Variants in BMPR1A observed in about 807,000 individuals in gnomAD.
The protein encoded by BMPR1A is bone morphogenetic protein receptor type-1A.
BMPR1A carries 7 observed loss-of-function variants against 66.0 expected under a neutral mutation model. The observed-to-expected ratio is 0.11, with a 90% CI of 0.06 to 0.20. The LOEUF is 0.20. BMPR1A is among the 10% of genes least tolerant of loss of function. The pLI is 1.00. For missense variants in BMPR1A, 408 were observed against 669.1 expected (o/e 0.61, Z 4.31); for synonymous variants, 200 against 229.7 (o/e 0.87, Z 1.17).
intron 1 of BMPR1A, among the ~76,000 whole-genome samples, chr10:86,765,695 A>G (rs1841151038): frequency 1.3e-5 from 2 of 152,282 alleles, no homozygotes; most frequent in South Asian, 2.1e-4. Context: ...ACGTATTACC[A>G]TAGAACTGTG....
In BMPR1A at chr10:86,847,682, G is replaced by A. The variant is rs540873895; in HGVS notation, c.-153+8703G>A. Reference sequence around the variant, plus strand: ...TCTCTATTTAAAAATACACACACACGTGTGTATGTGTGTGTATAAAGATTA... The same window carrying A: ...TCTCTATTTAAAAATACACACACACATGTGTATGTGTGTGTATAAAGATTA... On this transcript the variant is annotated intron_variant, in intron 2 of 12. Transcript: ENST00000372037. Among the ~76,000 whole-genome samples, 4 of 151,800 alleles carry A rather than the reference G, an allele frequency of 2.6e-5. No individual in the cohort carries two copies. The South Asian group carries it at 8.3e-4, about 32-fold the overall frequency.
At chr10:86,887,656 T>C (rs1160768665) in intron 3 of BMPR1A, among the ~76,000 whole-genome samples, 5 of 152,206 alleles carry the variant, frequency 3.3e-5, no homozygotes, top group African/African-American at 1.2e-4. Context: ...TCAAGTGATA[T>C]TTCTGCCACA....
At chr10:86,760,538 T>C (rs543684349) in intron 1 of BMPR1A, among the ~76,000 whole-genome samples, 3 of 152,198 alleles carry the variant, frequency 2.0e-5, no homozygotes, top group East Asian at 3.9e-4. Context: ...GGCTGGCCTT[T>C]ATAGCAGTTT....
intron 8 of BMPR1A, among the ~76,000 whole-genome samples, chr10:86,913,173 G>A (rs908096333): frequency 6.6e-6 from 1 of 151,990 alleles, no homozygotes; most frequent in Non-Finnish European, 1.5e-5. Flanking sequence ...CACCCAGGCT[G>A]GAGTGCAGTG....
intron 3 of BMPR1A, among the ~76,000 whole-genome samples, chr10:86,877,850 G>A (rs142680765): frequency 1.4e-4 from 22 of 152,182 alleles, no homozygotes; most frequent in African/African-American, 4.3e-4. Context: ...TAGATCACAC[G>A]TAGGCAATAT....
At chr10:86,772,419 C>A (rs111678403) in intron 1 of BMPR1A, among the ~76,000 whole-genome samples, 1 of 151,984 alleles carries the variant, frequency 6.6e-6, no homozygotes, top group Non-Finnish European at 1.5e-5. Context: ...CGTGAGCCAC[C>A]GCGCCCGGCC....
At chr10:86,818,218 C>T (rs1842064490) in intron 1 of BMPR1A, among the ~76,000 whole-genome samples, 1 of 152,128 alleles carries the variant, frequency 6.6e-6, no homozygotes, top group Non-Finnish European at 1.5e-5. Context: ...AGGGTTTCCC[C>T]ATGTTGGCCA....
In BMPR1A at chr10:86,756,937, G is replaced by C. The variant is rs1207621360; in HGVS notation, c.-268+18G>C. 6.6e-6 allele frequency: 1 copy of C among 151,954 alleles called. No individual in the cohort carries two copies. Among genetic ancestry groups the C allele is most frequent in the Non-Finnish European group, 1.5e-5 (1 of 68,134 alleles). The allele number at this position is 151,954 out of a possible 1,614,324, so 9.4% of individuals were successfully genotyped here. ...GGGTCCGGGTGAGTTGGGAGTGCGCGTGCGGACCGGAGGGGCTGGCCGCAG... is the reference window on the plus strand; with the variant it reads ...GGGTCCGGGTGAGTTGGGAGTGCGCCTGCGGACCGGAGGGGCTGGCCGCAG... On this transcript the variant is annotated intron_variant, in intron 1 of 12. Transcript: ENST00000372037.
chr10:86,758,367 A>ATTTTTTT (rs200528013), intron 1 of BMPR1A, among the ~76,000 whole-genome samples: 1 of 141,012 alleles, frequency 7.1e-6, no homozygotes, highest in Non-Finnish European at 1.5e-5. Context: ...AAGAGGGAGA[A>ATTTTTTT]TTTTTTTTTT....
At chr10:86,801,280 C>T (rs368137623) in intron 1 of BMPR1A, among the ~76,000 whole-genome samples, 2 of 152,010 alleles carry the variant, frequency 1.3e-5, no homozygotes, top group East Asian at 2.0e-4. Context: ...TAGTTGGTGG[C>T]GTGCGCCACC....
Position 86,919,844 on chromosome 10 carries a change from A to G in BMPR1A, c.1166+375A>G, listed in dbSNP as rs140046350. 4.8e-3 allele frequency among the ~76,000 whole-genome samples: 728 copies of G among 152,138 alleles called. 9 individuals carry two copies. The highest frequency in any genetic ancestry group is 0.016 in the African/African-American group (681 of 41,498). On this transcript the variant is annotated intron_variant, in intron 10 of 12. Transcript: ENST00000372037. ...CACCTCAGCCTCCTGAGTAGCTGGG[A>G]CTACAGGCATGCACTGCCACACCTA...
intron 2 of BMPR1A, among the ~76,000 whole-genome samples, chr10:86,842,783 G>A (rs1842442210): frequency 1.3e-5 from 2 of 152,284 alleles, no homozygotes; most frequent in East Asian, 3.9e-4. Flanking sequence ...CACATCTTAG[G>A]TGGCAGCAGG....
At chr10:86,807,898 C>A (rs1841913820) in intron 1 of BMPR1A, among the ~76,000 whole-genome samples, 1 of 152,180 alleles carries the variant, frequency 6.6e-6, no homozygotes, top group Non-Finnish European at 1.5e-5. Context: ...TCCCTACAAG[C>A]TGGGATTACA....
chr10:86,845,666 T>A (rs1842473780), intron 2 of BMPR1A, among the ~76,000 whole-genome samples: 2 of 152,168 alleles, frequency 1.3e-5, no homozygotes, highest in South Asian at 4.1e-4. Flanking sequence ...ATCTACTCTG[T>A]CACTGACCCT....
intron 1 of BMPR1A, among the ~76,000 whole-genome samples, chr10:86,822,558 T>C (rs1304266786): frequency 1.3e-5 from 2 of 152,200 alleles, no homozygotes; most frequent in African/African-American, 4.8e-5. Context: ...AAATCTACCA[T>C]GTATTAACTG....
At chr10:86,802,451 C>CATACAAATGCTTGAATGACT (rs1841825465) in intron 1 of BMPR1A, among the ~76,000 whole-genome samples, 1 of 152,126 alleles carries the variant, frequency 6.6e-6, no homozygotes, top group Non-Finnish European at 1.5e-5. Flanking sequence ...CTATACTGCA[C>CATACAAATGCTTGAATGACT]ATACAAATGC....
At position 86,806,147 on chromosome 10, in the gene BMPR1A, A is replaced by C. The variant is rs117492444; in HGVS notation, c.-267-32718A>C. Among the ~76,000 whole-genome samples the C allele has an allele frequency of 3.0e-3, 460 of 152,284 alleles. 2 individuals carry two copies. The highest frequency in any genetic ancestry group is 5.4e-3 in the Non-Finnish European group (370 of 68,024). On this transcript the variant is annotated intron_variant, in intron 1 of 12. Transcript: ENST00000372037. ...GTGATGCATCTCTGGCCAGAAGTCT[A>C]CATAAATGACGACGTGTCCTTCTAG...
At chr10:86,773,360 G>C (rs1841295048) in intron 1 of BMPR1A, among the ~76,000 whole-genome samples, 1 of 151,868 alleles carries the variant, frequency 6.6e-6, no homozygotes, top group Admixed American at 6.6e-5. Flanking sequence ...AGGCTGAGGC[G>C]GGTGGATCAC....
intron 1 of BMPR1A, among the ~76,000 whole-genome samples, chr10:86,766,000 T>TG (rs1841155947): frequency 6.6e-6 from 1 of 151,090 alleles, no homozygotes; most frequent in South Asian, 2.1e-4. Context: ...TTTTTTTTTT[T>TG]TTTGAGGGAA....
Sources: gnomAD v4.1 joint callset for allele counts (sites outside exome capture counted in the v4.1 genomes callset) on GRCh38, gnomAD v4.1.1 for gene constraint, MANE v1.5 for transcripts, NCBI Gene and HGNC (gene_info 2026-07-23, HGNC 2026-07-21) for gene names.